The following CSRNP3 variants were observed in gnomAD, a reference collection of about 807,000 sequenced individuals.
The protein encoded by CSRNP3 is cysteine and serine rich nuclear protein 3.
In CSRNP3, 12 loss-of-function variants were observed where a neutral mutation model predicts 48.0. That is an observed-to-expected ratio of 0.25 (90% CI 0.16 to 0.41). The LOEUF (loss-of-function observed/expected upper bound fraction) is 0.41, where lower values mean the gene tolerates loss of function less well. Ranked by LOEUF, CSRNP3 falls within the 10% of genes least tolerant of loss-of-function variation. CSRNP3 has a pLI of 1.00. For synonymous variants in CSRNP3, 263 were observed against 269.7 expected (o/e 0.98, Z 0.24); for missense variants, 580 against 724.4 (o/e 0.80, Z 2.29).
chr2:165,592,823 A>C (rs1436403804), intron 3 of CSRNP3, among the ~76,000 whole-genome samples: 1 of 103,880 alleles, frequency 9.6e-6, no homozygotes. Context: ...TTTTTTTGAG[A>C]CGGAGTCTCG....
chr2:165,477,706 G>T (rs1683983967), intron 1 of CSRNP3, among the ~76,000 whole-genome samples: 1 of 150,728 alleles, frequency 6.6e-6, no homozygotes, highest in African/African-American at 2.4e-5. Flanking sequence ...GCCAGGCATG[G>T]TGGCTCACAC....
chr2:165,641,809 T>C (rs1686725373), intron 4 of CSRNP3, among the ~76,000 whole-genome samples: 1 of 152,152 alleles, frequency 6.6e-6, no homozygotes, highest in Non-Finnish European at 1.5e-5. Context: ...TGAGAAGTGC[T>C]CTTTAAAGGT....
In CSRNP3 at chr2:165,499,761, C is replaced by CA. The variant is rs138909506; in HGVS notation, c.-113+4838dup. On this transcript the variant is annotated intron_variant, in intron 2 of 6. Coordinates refer to ENST00000651982, the MANE Select transcript of CSRNP3 (RefSeq NM_001172173.2). Reference sequence around the variant, plus strand: ...CCAAAAAGATAACTTGCTTTTCAACCAAAAACCAGCACATAAAAACTTGGA... The same window carrying CA: ...CCAAAAAGATAACTTGCTTTTCAACCAAAAAACCAGCACATAAAAACTTGGA... Among the ~76,000 whole-genome samples, 305 of 151,960 alleles carry CA rather than the reference C, an allele frequency of 2.0e-3. 5 individuals carry two copies. In the East Asian group the frequency reaches 0.039, roughly 19 times the overall value.
chr2:165,552,628 C>A (rs1685112381), intron 3 of CSRNP3, among the ~76,000 whole-genome samples: 1 of 152,110 alleles, frequency 6.6e-6, no homozygotes, highest in Non-Finnish European at 1.5e-5. Context: ...CTTCTCCTTC[C>A]CTGAAAATGT....
chr2:165,616,698 CT>C (rs879868990), intron 4 of CSRNP3, among the ~76,000 whole-genome samples: 1 of 152,060 alleles, frequency 6.6e-6, no homozygotes, highest in Non-Finnish European at 1.5e-5. Context: ...CTATCTTTGA[CT>C]TTTGATGGTT....
chr2:165,626,757 G>A (rs1257474178), intron 4 of CSRNP3, among the ~76,000 whole-genome samples: 2 of 152,134 alleles, frequency 1.3e-5, no homozygotes, highest in Non-Finnish European at 2.9e-5. Context: ...TTTCTCATAG[G>A]TGAAAGCTCT....
intron 1 of CSRNP3, among the ~76,000 whole-genome samples, chr2:165,492,493 C>CCT (rs1257877429): frequency 6.6e-6 from 1 of 151,840 alleles, no homozygotes; most frequent in Non-Finnish European, 1.5e-5. Context: ...TTGTTGGTTC[C>CCT]CTCACCTCCT....
At chr2:165,593,774 A>C (rs1291192321) in intron 3 of CSRNP3, among the ~76,000 whole-genome samples, 3 of 152,232 alleles carry the variant, frequency 2.0e-5, no homozygotes, top group Non-Finnish European at 4.4e-5. Flanking sequence ...GTTAGAATCA[A>C]CTGAAATAAA....
chr2:165,535,209 A>C (rs749074477), intron 3 of CSRNP3, among the ~76,000 whole-genome samples: 14 of 151,884 alleles, frequency 9.2e-5, no homozygotes, highest in South Asian at 4.1e-4. Flanking sequence ...AAAAACACTT[A>C]AATATTTAGA....
intron 4 of CSRNP3, among the ~76,000 whole-genome samples, chr2:165,638,921 G>T (rs1255365579): frequency 6.6e-6 from 1 of 152,150 alleles, no homozygotes; most frequent in African/African-American, 2.4e-5. Context: ...CAGAGCCGTT[G>T]CTCCTGGGGG....
At chr2:165,549,883 T>A (rs1467084466) in intron 3 of CSRNP3, among the ~76,000 whole-genome samples, 1 of 152,138 alleles carries the variant, frequency 6.6e-6, no homozygotes, top group East Asian at 1.9e-4. Context: ...AAAATGACCT[T>A]GAGAATGTGG....
At chr2:165,638,802 T>C (rs571042396) in intron 4 of CSRNP3, among the ~76,000 whole-genome samples, 171 of 152,364 alleles carry the variant, frequency 1.1e-3, no homozygotes, top group African/African-American at 4.0e-3. Flanking sequence ...TAAATTTTGC[T>C]CATCAATTGT....
At chr2:165,657,707 T>A (rs1687027857) in intron 4 of CSRNP3, 54 bp from the exon 5 acceptor site, 1 of 1,591,898 alleles carries the variant, frequency 6.3e-7, no homozygotes, top group African/African-American at 1.3e-5. Flanking sequence ...TTTCTTGGCC[T>A]TGTCTGAAAA....
intron 4 of CSRNP3, among the ~76,000 whole-genome samples, chr2:165,596,147 T>TC (rs1303402923): frequency 6.6e-6 from 1 of 150,740 alleles, no homozygotes; most frequent in African/African-American, 2.4e-5. Context: ...TTTTTTTTTT[T>TC]TTTTTTTTGC....
intron 2 of CSRNP3, among the ~76,000 whole-genome samples, chr2:165,497,393 T>C (rs557682150): frequency 4.4e-4 from 67 of 152,060 alleles, no homozygotes; most frequent in Non-Finnish European, 8.1e-4. Flanking sequence ...ATTGAGTGTG[T>C]AATCAGAACC....
At chr2:165,562,704 T>C (rs537476254) in intron 3 of CSRNP3, among the ~76,000 whole-genome samples, 15 of 152,188 alleles carry the variant, frequency 9.9e-5, no homozygotes, top group Non-Finnish European at 2.1e-4. Flanking sequence ...TTTCTCATGG[T>C]AAAGGTTTGT....
chr2:165,556,522 G>T (rs1685162813), intron 3 of CSRNP3, among the ~76,000 whole-genome samples: 1 of 152,174 alleles, frequency 6.6e-6, no homozygotes. Context: ...GTCCAAGTGG[G>T]AATGGTTGCA....
intron 2 of CSRNP3, among the ~76,000 whole-genome samples, chr2:165,509,407 G>T (rs1402535995): frequency 2.6e-5 from 4 of 152,126 alleles, no homozygotes; most frequent in Non-Finnish European, 4.4e-5. Context: ...GTGAAGACTG[G>T]ATTCGAAGTT....
chr2:165,614,028 G>A (rs1354675415), intron 4 of CSRNP3, among the ~76,000 whole-genome samples: 1 of 151,866 alleles, frequency 6.6e-6, no homozygotes, highest in African/African-American at 2.4e-5. Context: ...TCCAATCTGT[G>A]AGCATGGATG....
Sources: allele counts gnomAD v4.1 joint callset (sites outside exome capture counted in the v4.1 genomes callset), GRCh38; gene constraint gnomAD v4.1.1; transcripts MANE v1.5; gene names NCBI Gene and HGNC (gene_info 2026-07-23, HGNC 2026-07-21).